Variants in KDM4C observed in about 807,000 individuals in gnomAD.
KDM4C encodes the protein lysine demethylase 4C, also known as lysine-specific demethylase 4C.
Under a neutral mutation model 129.3 loss-of-function variants are expected in KDM4C, and 81 were observed. That is an observed-to-expected ratio of 0.63 (90% CI 0.52 to 0.75). The LOEUF is 0.75. Among genes scored for constraint, KDM4C ranks in the 30% least tolerant of loss-of-function variants. The pLI, the probability that KDM4C is intolerant of heterozygous loss-of-function variation, is 0.00. For synonymous variants in KDM4C, 573 were observed against 456.1 expected (o/e 1.26, Z -3.26); for missense variants, 1,457 against 1,304.0 (o/e 1.12, Z -1.81).
At chr9:7,074,485 A>G (rs1437032732) in intron 17 of KDM4C, among the ~76,000 whole-genome samples, 1 of 152,128 alleles carries the variant, frequency 6.6e-6, no homozygotes, top group Admixed American at 6.5e-5. Context: ...CAATTTTTAT[A>G]TAATCTATTC....
At chr9:6,871,633 A>G (rs896979716) in intron 5 of KDM4C, among the ~76,000 whole-genome samples, 24 of 152,244 alleles carry the variant, frequency 1.6e-4, no homozygotes, top group Non-Finnish European at 2.8e-4. Context: ...ATACAATGGT[A>G]GGCATTTTAT....
chr9:7,144,374 A>G (rs1239463758), intron 19 of KDM4C, among the ~76,000 whole-genome samples: 1 of 152,084 alleles, frequency 6.6e-6, no homozygotes, highest in East Asian at 1.9e-4. Flanking sequence ...TTAATCCCCT[A>G]GTTAAAATTC....
At chr9:6,862,342 C>T (rs769604285) in intron 5 of KDM4C, among the ~76,000 whole-genome samples, 3 of 152,050 alleles carry the variant, frequency 2.0e-5, no homozygotes, top group Non-Finnish European at 4.4e-5. Context: ...AACATTTGAC[C>T]ATTTACTGTT....
intron 8 of KDM4C, among the ~76,000 whole-genome samples, chr9:6,922,430 G>A (rs576846803): frequency 3.0e-4 from 46 of 152,260 alleles, no homozygotes; most frequent in Non-Finnish European, 5.4e-4. Flanking sequence ...TAGAATTCCT[G>A]GAAATAGTTG....
At chr9:6,893,881 A>T (rs910868441) in intron 8 of KDM4C, among the ~76,000 whole-genome samples, 1 of 152,220 alleles carries the variant, frequency 6.6e-6, no homozygotes, top group Non-Finnish European at 1.5e-5. Flanking sequence ...TGTGGTGTTA[A>T]ATAGAAGACA....
At chr9:7,159,912 A>C (rs909874880) in intron 19 of KDM4C, among the ~76,000 whole-genome samples, 10 of 152,300 alleles carry the variant, frequency 6.6e-5, no homozygotes, top group Admixed American at 2.0e-4. Flanking sequence ...CCTGGATACT[A>C]TCCTGACGAG....
intron 1 of KDM4C, among the ~76,000 whole-genome samples, chr9:6,737,050 C>CAAAAAA (rs566235532): frequency 1.1e-4 from 4 of 36,390 alleles, no homozygotes; most frequent in Non-Finnish European, 1.7e-4. Flanking sequence ...GATTCTGTCT[C>CAAAAAA]AAAAAAAAAA....
chr9:6,878,054 TTGAGCAAGA>T (rs1843838023), intron 5 of KDM4C, among the ~76,000 whole-genome samples: 1 of 152,208 alleles, frequency 6.6e-6, no homozygotes, highest in African/African-American at 2.4e-5. Context: ...TGGGTTCACT[TTGAGCAAGA>T]TAATGACTAA....
At chr9:7,173,580 C>G (rs1165071401) in intron 21 of KDM4C, among the ~76,000 whole-genome samples, 1 of 152,162 alleles carries the variant, frequency 6.6e-6, no homozygotes, top group African/African-American at 2.4e-5. Flanking sequence ...AGGTGAGGGC[C>G]TGCCCCATAG....
intron 1 of KDM4C, among the ~76,000 whole-genome samples, chr9:6,749,190 T>C (rs1157046841): frequency 6.6e-6 from 1 of 152,172 alleles, no homozygotes; most frequent in Non-Finnish European, 1.5e-5. Context: ...CGGCTAATTT[T>C]GTATTTTTAG....
chr9:7,048,810 T>G (rs751606093), intron 16 of KDM4C, among the ~76,000 whole-genome samples: 3 of 152,114 alleles, frequency 2.0e-5, no homozygotes, highest in Admixed American at 6.6e-5. Flanking sequence ...CACATTTCAG[T>G]ATTTTGCAGA....
chr9:7,164,950 A>G (rs1029861026), intron 19 of KDM4C, among the ~76,000 whole-genome samples: 7 of 152,228 alleles, frequency 4.6e-5, no homozygotes, highest in African/African-American at 1.7e-4. Flanking sequence ...GTTTCTATGC[A>G]TATTTTAGTT....
chr9:7,059,886 T>A (rs1211739580), intron 17 of KDM4C, among the ~76,000 whole-genome samples: 3 of 152,114 alleles, frequency 2.0e-5, no homozygotes, highest in Admixed American at 2.0e-4. Flanking sequence ...TTTTTAAAAA[T>A]TTCCATTTTT....
At chr9:6,929,785 A>G (rs113121714) in intron 8 of KDM4C, among the ~76,000 whole-genome samples, 5 of 152,164 alleles carry the variant, frequency 3.3e-5, no homozygotes, top group Admixed American at 6.5e-5. Flanking sequence ...CCAAAATAGA[A>G]TATTAAAAAG....
At chr9:7,099,855 T>G (rs1051970502) in intron 17 of KDM4C, among the ~76,000 whole-genome samples, 1 of 152,212 alleles carries the variant, frequency 6.6e-6, no homozygotes, top group Middle Eastern at 3.2e-3. Flanking sequence ...TTCATTCCCC[T>G]CCCTGCAGAA....
chr9:7,062,187 C>G (rs1039766773), intron 17 of KDM4C, among the ~76,000 whole-genome samples: 2 of 152,168 alleles, frequency 1.3e-5, no homozygotes, highest in Admixed American at 1.3e-4. Flanking sequence ...CCAGGATGGT[C>G]TCGACCTCCT....
At chr9:7,018,121 A>G (rs971695661) in intron 15 of KDM4C, among the ~76,000 whole-genome samples, 25 of 152,212 alleles carry the variant, frequency 1.6e-4, no homozygotes, top group Admixed American at 1.6e-3. Context: ...TCATTGTGTG[A>G]ACATAATACA....
intron 1 of KDM4C, among the ~76,000 whole-genome samples, chr9:6,778,695 A>C (rs535807326): frequency 6.6e-6 from 1 of 152,026 alleles, no homozygotes; most frequent in African/African-American, 2.4e-5. Context: ...TGAACCCAGG[A>C]AGCGGAGGTT....
At chr9:7,088,029 C>T (rs888840809) in intron 17 of KDM4C, among the ~76,000 whole-genome samples, 4 of 152,162 alleles carry the variant, frequency 2.6e-5, no homozygotes, top group Admixed American at 2.6e-4. Context: ...TTTCTGGGCT[C>T]CCACTTAGAT....
Sources: gnomAD v4.1 joint callset for allele counts (sites outside exome capture counted in the v4.1 genomes callset) on GRCh38, gnomAD v4.1.1 for gene constraint, MANE v1.5 for transcripts, NCBI Gene and HGNC (gene_info 2026-07-23, HGNC 2026-07-21) for gene names.